Variants in SCAND3 observed in about 807,000 individuals in gnomAD.
The protein encoded by SCAND3 is SCAN domain containing 3, also known as SCAN domain-containing protein 3.
chr6:28,593,500 C>T, the SCAND3 span: 565 of 151,962 alleles, frequency 3.7e-3, 4 homozygotes, highest in African/African-American at 0.012. Context: ...CATGGTGAAA[C>T]CCCGTCTCTA....
chr6:28,580,479 A>G, the SCAND3 span, among the ~76,000 whole-genome samples: 1 of 152,174 alleles, frequency 6.6e-6, no homozygotes, highest in Non-Finnish European at 1.5e-5. Context: ...TGCAAAGCAC[A>G]TTTCAAAAAA....
At chr6:28,611,366 TC>T in the SCAND3 span, among the ~76,000 whole-genome samples, 2 of 152,310 alleles carry the variant, frequency 1.3e-5, no homozygotes, top group South Asian at 4.2e-4. Flanking sequence ...TTTCCTCTTT[TC>T]CCTCTTCCAC....
At chr6:28,576,983 TTC>T in the SCAND3 span, among the ~76,000 whole-genome samples, 2 of 152,122 alleles carry the variant, frequency 1.3e-5, no homozygotes, top group East Asian at 3.9e-4. Context: ...ACTACACATT[TTC>T]TCTTTTATTC....
chr6:28,583,028 A>G, the SCAND3 span, among the ~76,000 whole-genome samples: 2 of 152,206 alleles, frequency 1.3e-5, no homozygotes, highest in Admixed American at 1.3e-4. Context: ...TACCTTAGAA[A>G]GGTGATGTTA....
chr6:28,597,938 T>G, the SCAND3 span: 1 of 152,198 alleles, frequency 6.6e-6, no homozygotes, highest in African/African-American at 2.4e-5. Context: ...TCTCTCTAGT[T>G]CTTTATCTGG....
the SCAND3 span, among the ~76,000 whole-genome samples, chr6:28,601,327 G>C: frequency 6.6e-6 from 1 of 152,218 alleles, no homozygotes; most frequent in Non-Finnish European, 1.5e-5. Context: ...AGAGATGAAT[G>C]AAATAAGAAT....
chr6:28,574,319 T>C, the SCAND3 span, among the ~76,000 whole-genome samples: 1 of 152,188 alleles, frequency 6.6e-6, no homozygotes, highest in African/African-American at 2.4e-5. Context: ...CCTCCATATT[T>C]CAAAACATTA....
chr6:28,574,798 T>C, the SCAND3 span: 1 of 1,614,148 alleles, frequency 6.2e-7, no homozygotes, highest in Non-Finnish European at 8.5e-7. Flanking sequence ...ACCACAGCCC[T>C]CAGTCCCATG....
chr6:28,581,784 G>T, the SCAND3 span, among the ~76,000 whole-genome samples: 1 of 152,192 alleles, frequency 6.6e-6, no homozygotes, highest in Non-Finnish European at 1.5e-5. Flanking sequence ...GAATTCTGTT[G>T]CATAGTTAAC....
the SCAND3 span, among the ~76,000 whole-genome samples, chr6:28,598,748 G>A: frequency 1.4e-5 from 2 of 148,140 alleles, no homozygotes; most frequent in Non-Finnish European, 3.0e-5. Context: ...GCGGCGGCGC[G>A]CACTTGTAAT....
At chr6:28,588,873 C>T in the SCAND3 span, among the ~76,000 whole-genome samples, 3 of 152,304 alleles carry the variant, frequency 2.0e-5, no homozygotes, top group Admixed American at 6.5e-5. The surrounding 1 kb of genome is among the most constrained non-coding windows in gnomAD (Gnocchi z 4.1). Context: ...TATCGTGAGT[C>T]TCGCTAAAGT....
At chr6:28,572,238 T>C in the SCAND3 span, 19 of 1,613,756 alleles carry the variant, frequency 1.2e-5, no homozygotes, top group Non-Finnish European at 1.6e-5. The surrounding 1 kb of genome is among the most constrained non-coding windows in gnomAD (Gnocchi z 4.1). Flanking sequence ...CAGTTAAATT[T>C]AAGTTATCTT....
At chr6:28,579,178 G>A in the SCAND3 span, 4 of 1,143,482 alleles carry the variant, frequency 3.5e-6, no homozygotes, top group Admixed American at 8.7e-5. This position sits in a 1 kb window ranked among gnomAD's most constrained non-coding sequence, Gnocchi z 4.5. Flanking sequence ...ACATTCAGTA[G>A]AAGCTGAAAT....
the SCAND3 span, among the ~76,000 whole-genome samples, chr6:28,588,342 A>G: frequency 1.3e-5 from 2 of 152,302 alleles, no homozygotes; most frequent in Admixed American, 6.5e-5. The surrounding 1 kb of genome is among the most constrained non-coding windows in gnomAD (Gnocchi z 4.1). Context: ...GATCTCTGCC[A>G]TGCTGAGCAC....
At chr6:28,581,121 G>A in the SCAND3 span, among the ~76,000 whole-genome samples, 8 of 152,018 alleles carry the variant, frequency 5.3e-5, no homozygotes, top group Admixed American at 2.0e-4. Context: ...AGGATTGCTT[G>A]AGCTCAGGAA....
the SCAND3 span, among the ~76,000 whole-genome samples, chr6:28,583,897 T>C: frequency 6.6e-6 from 1 of 152,200 alleles, no homozygotes; most frequent in Non-Finnish European, 1.5e-5. Context: ...AGCTCCGCAT[T>C]ATCCTCACTA....
chr6:28,596,764 C>T, the SCAND3 span, among the ~76,000 whole-genome samples: 6 of 152,138 alleles, frequency 3.9e-5, no homozygotes, highest in African/African-American at 1.4e-4. Context: ...AGCTTTGTCA[C>T]ATCTCTAAGC....
At chr6:28,607,045 T>A in the SCAND3 span, among the ~76,000 whole-genome samples, 1 of 152,272 alleles carries the variant, frequency 6.6e-6, no homozygotes, top group Non-Finnish European at 1.5e-5. Flanking sequence ...CCAGCCTAGC[T>A]GTTTCACAAA....
the SCAND3 span, chr6:28,572,935 G>A: frequency 6.2e-7 from 1 of 1,613,670 alleles, no homozygotes; most frequent in Admixed American, 1.7e-5. This position sits in a 1 kb window ranked among gnomAD's most constrained non-coding sequence, Gnocchi z 4.1. Context: ...CTTAATCTGG[G>A]TTACCACTTC....
Sources: allele counts gnomAD v4.1 joint callset (sites outside exome capture counted in the v4.1 genomes callset), GRCh38; gene constraint gnomAD v4.1.1; non-coding constraint Gnocchi (gnomAD v3.1); transcripts MANE v1.5; gene names NCBI Gene and HGNC (gene_info 2026-07-23, HGNC 2026-07-21).